The following BCAR1 variants were observed in gnomAD, a reference collection of about 807,000 sequenced individuals.
BCAR1 encodes the protein BCAR1 scaffold protein, Cas family member, also known as breast cancer anti-estrogen resistance protein 1.
In BCAR1, 30 loss-of-function variants were observed where a neutral mutation model predicts 67.6. That is an observed-to-expected ratio of 0.44 (90% CI 0.33 to 0.60). The LOEUF is 0.60. BCAR1 is among the 20% of genes least tolerant of loss of function. The pLI, the probability that BCAR1 is intolerant of heterozygous loss-of-function variation, is 0.02. For synonymous variants in BCAR1, 626 were observed against 556.7 expected (o/e 1.12, Z -1.75); for missense variants, 1,313 against 1,222.3 (o/e 1.07, Z -1.11).
chr16:75,237,121 G>T, intron 3 of BCAR1, 62 bp downstream of exon 3: 1 of 1,502,010 alleles, frequency 6.7e-7, no homozygotes, highest in East Asian at 2.4e-5. Context: ...TCTCGGCCCA[G>T]GGCCAAGCAG....
At chr16:75,243,674 C>T (rs1349418905) in intron 1 of BCAR1, among the ~76,000 whole-genome samples, 3 of 152,316 alleles carry the variant, frequency 2.0e-5, no homozygotes, top group South Asian at 2.1e-4. Flanking sequence ...CTGTCCTGGC[C>T]CCGTCGCCCT....
At chr16:75,260,003 G>C (rs951523674) in intron 1 of BCAR1, among the ~76,000 whole-genome samples, 8 of 152,148 alleles carry the variant, frequency 5.3e-5, no homozygotes, top group Admixed American at 3.9e-4. Context: ...AAACCAGTCT[G>C]GCCAACATGG....
intron 1 of BCAR1, chr16:75,263,557 A>T: frequency 1.0e-6 from 1 of 985,424 alleles, no homozygotes; most frequent in African/African-American, 1.7e-5. Flanking sequence ...TGACAAGGTG[A>T]CACCAGCTGA....
At chr16:75,263,438 C>T (rs771336020) in intron 1 of BCAR1, 6 of 985,182 alleles carry the variant, frequency 6.1e-6, no homozygotes, top group African/African-American at 1.7e-5. Flanking sequence ...AGGCAGCACA[C>T]GAGCACTGCA....
At position 75,233,865 on chromosome 16, in the gene BCAR1, C is replaced by T; in HGVS notation, c.2081G>A (p.Ser694Asn). ...CCTCACCTGCTGCAACTCCAGCTGG[C>T]TCTTGCCCTGCCGCGTGATGCTGCC... Reference protein sequence around the residue: ...EKGSITRQGKSQLELQQLKQF... With the variant: ...EKGSITRQGKNQLELQQLKQF... The change falls in exon 6 of 7, where the codon AGC (serine) becomes AAC (asparagine). Residue 694 changes from serine (S) to asparagine (N), a missense_variant. By Grantham distance (46) the Ser-to-Asn change is conservative. Transcript: ENST00000162330. 2 of 1,608,548 alleles carry T rather than the reference C, an allele frequency of 1.2e-6. No individual in the cohort carries two copies. The highest frequency in any genetic ancestry group is 1.7e-6 in the Non-Finnish European group (2 of 1,177,710).
Position 75,228,612 on chromosome 16 carries a change from C to G in BCAR1, c.*899G>C, listed in dbSNP as rs1390525245. ...CTTTTAAGCAGAGCTCTGGATGCAG[C>G]CCCCAGCGGTGCCCTCGGCTCACAG... On this transcript the variant is annotated 3_prime_UTR_variant, in exon 7 of 7. Coordinates refer to ENST00000162330, the MANE Select transcript of BCAR1 (RefSeq NM_014567.5). 1 of 152,320 alleles carries G rather than the reference C, an allele frequency of 6.6e-6. No homozygotes were observed. The highest frequency in any genetic ancestry group is 1.5e-5 in the Non-Finnish European group (1 of 68,120). The allele number at this position is 152,320 out of a possible 1,614,324, so 9.4% of individuals were successfully genotyped here.
Position 75,235,404 on chromosome 16 carries a change from G to C in BCAR1, c.1495C>G (p.Pro499Ala). Residue 499 changes from proline (P) to alanine (A), a missense_variant, in exon 5 of 7, where the codon CCG (proline) becomes GCG (alanine). Physicochemically the swap from Pro to Ala is conservative, Grantham distance 27 (BLOSUM62 -1). Around this residue, in one of 2 missense-constraint regions of BCAR1, gnomAD observed 1,272 missense variants for 1,137.5 expected, o/e 1.12. Transcript: ENST00000162330. ...SWRSPSEPQE[P>A]LVQDLQAAVA... ...GCAGCCTGCAGGTCCTGCACCAGCG[G>C]CTCCTGTGGCTCAGAGGGGCTACGC... The C allele has an allele frequency of 6.2e-7, 1 of 1,607,430 alleles. No homozygotes were observed. The highest frequency in any genetic ancestry group is 8.5e-7 in the Non-Finnish European group (1 of 1,178,948).
chr16:75,267,939 G>T, exon 1 of BCAR1: 1 of 1,603,378 alleles, frequency 6.2e-7, no homozygotes. Flanking sequence ...CCTTGGGTGT[G>T]GGCCTGGGGG....
intron 1 of BCAR1, chr16:75,247,872 C>T (rs2077565436): frequency 3.1e-6 from 2 of 643,722 alleles, no homozygotes; most frequent in Non-Finnish European, 2.8e-6. Context: ...GGCAAGAACT[C>T]CTGTTCTCTG....
intron 1 of BCAR1, chr16:75,263,976 G>A: frequency 8.6e-7 from 1 of 1,167,264 alleles, no homozygotes; most frequent in African/African-American, 1.6e-5. Flanking sequence ...CAGCCACGTA[G>A]GGGGCAGATG....
chr16:75,231,933 G>T (rs1456146884), intron 6 of BCAR1, among the ~76,000 whole-genome samples: 3 of 152,234 alleles, frequency 2.0e-5, no homozygotes, highest in African/African-American at 7.2e-5. Context: ...CCAGGCTAGA[G>T]TGCAGTGGTG....
Position 75,229,631 on chromosome 16 carries a change from C to A in BCAR1, c.2493G>T (p.Lys831Asn). 6.2e-7 allele frequency: 1 copy of A among 1,612,670 alleles called. No individual in the cohort carries two copies. Among genetic ancestry groups the A allele is most frequent in the Non-Finnish European group, 8.5e-7 (1 of 1,179,882 alleles). The change falls in exon 7 of 7, where the codon AAG (lysine) becomes AAT (asparagine). Residue 831 changes from lysine to asparagine, a missense_variant. Physicochemically the swap from Lys to Asn is moderately conservative, Grantham distance 94. This residue lies in a region of BCAR1 where 1,272 missense variants were observed against 1,137.5 expected (regional missense o/e 1.12). Transcript: ENST00000162330. The part of the protein sequence containing the change: ...DLLRGIVATT[K>N]AAALQYPSPS... ...GCGATGGGTACTGCAAGGCAGCGGC[C>A]TTGGTGGTGGCCACGATGCCGCGCA...
At chr16:75,233,479 T>C (rs2076973763) in intron 6 of BCAR1, among the ~76,000 whole-genome samples, 3 of 152,128 alleles carry the variant, frequency 2.0e-5, no homozygotes. Context: ...TGGCAGATGC[T>C]GGGACAGAAG....
At chr16:75,262,387 G>T (rs2077923379) in intron 1 of BCAR1, among the ~76,000 whole-genome samples, 1 of 152,240 alleles carries the variant, frequency 6.6e-6, no homozygotes, top group Non-Finnish European at 1.5e-5. Flanking sequence ...CCAACAAATG[G>T]ACAATGGCAG....
chr16:75,234,040 T>C, intron 5 of BCAR1, 105 bp from the exon 6 acceptor site: 1 of 1,077,202 alleles, frequency 9.3e-7, no homozygotes, highest in Non-Finnish European at 1.4e-6. Context: ...CAGGTGGTGC[T>C]GCGTGTGCGC....
chr16:75,238,558 G>A, intron 2 of BCAR1: 1 of 989,186 alleles, frequency 1.0e-6, no homozygotes, highest in Non-Finnish European at 1.2e-6. Context: ...GGTGGCAGAG[G>A]CGCCAGCACC....
At chr16:75,250,397 A>C (rs1016457245) in intron 1 of BCAR1, among the ~76,000 whole-genome samples, 6 of 152,128 alleles carry the variant, frequency 3.9e-5, no homozygotes, top group Non-Finnish European at 5.9e-5. Flanking sequence ...TGGGCACAAG[A>C]GGGGGCGTGT....
chr16:75,250,411 G>A (rs535580044), intron 1 of BCAR1, among the ~76,000 whole-genome samples: 1 of 152,190 alleles, frequency 6.6e-6, no homozygotes, highest in South Asian at 2.1e-4. Flanking sequence ...GGCGTGTCCC[G>A]GCCCAGGGCG....
chr16:75,238,313 C>T (rs1404969761), intron 2 of BCAR1: 2 of 1,142,694 alleles, frequency 1.8e-6, no homozygotes, highest in East Asian at 8.3e-5. Context: ...CACACGCCTC[C>T]ACCACCAGGC....
Sources: allele counts gnomAD v4.1 joint callset (sites outside exome capture counted in the v4.1 genomes callset), GRCh38; gene constraint gnomAD v4.1.1; regional missense constraint gnomAD v4.1.1; transcripts MANE v1.5; gene names NCBI Gene and HGNC (gene_info 2026-07-23, HGNC 2026-07-21).